HPGDS: variants seen among roughly 807,000 people sequenced by gnomAD.
HPGDS encodes the protein hematopoietic prostaglandin D synthase, also known as GST class-sigma.
HPGDS carries 26 observed loss-of-function variants against 23.1 expected under a neutral mutation model. The ratio of observed to expected loss-of-function variants is 1.13; its 90% CI spans 0.83 to 1.56. The LOEUF (loss-of-function observed/expected upper bound fraction) is 1.56. HPGDS is among the 40% of genes most tolerant of loss of function. HPGDS has a pLI of 0.00. For synonymous variants in HPGDS, 95 were observed against 77.9 expected (o/e 1.22, Z -1.16); for missense variants, 268 against 236.4 (o/e 1.13, Z -0.88).
intron 3 of HPGDS, among the ~76,000 whole-genome samples, chr4:94,314,552 C>A (rs139506906): frequency 1.3e-5 from 2 of 152,138 alleles, no homozygotes; most frequent in Admixed American, 1.3e-4. Context: ...TGCCCCTACT[C>A]GGGGGTGCCT....
chr4:94,323,243 A>T (rs1207314332), intron 2 of HPGDS, among the ~76,000 whole-genome samples: 1 of 152,148 alleles, frequency 6.6e-6, no homozygotes, highest in African/African-American at 2.4e-5. Context: ...TATTCTGTTG[A>T]TTTGGGGTGG....
In HPGDS at chr4:94,308,714, A is replaced by G; in HGVS notation, c.256T>C (p.Cys86Arg). Residue 86 changes from cysteine (C) to arginine (R), a missense_variant, in exon 4 of 6, where the codon TGT becomes CGT. Coordinates refer to ENST00000295256, the MANE Select transcript of HPGDS (RefSeq NM_014485.3). ...DLAGNTEMEQ[C>R]HVDAIVDTLD... Reference sequence around the variant, plus strand: ...GTGTCCACAATAGCATCAACATGACATTGTTCCATTTCTGTGTTTCCAGCC... The same window carrying G: ...GTGTCCACAATAGCATCAACATGACGTTGTTCCATTTCTGTGTTTCCAGCC... 6.2e-7 allele frequency: 1 copy of G among 1,606,104 alleles called. No homozygotes were observed. Among genetic ancestry groups the G allele is most frequent in the Non-Finnish European group, 8.5e-7 (1 of 1,174,096 alleles).
At chr4:94,326,215 G>C (rs1019084160) in intron 2 of HPGDS, among the ~76,000 whole-genome samples, 1 of 152,038 alleles carries the variant, frequency 6.6e-6, no homozygotes, top group African/African-American at 2.4e-5. Flanking sequence ...ATCTATACCT[G>C]AGCTTCATGT....
intron 3 of HPGDS, among the ~76,000 whole-genome samples, chr4:94,313,477 C>G (rs1190809577): frequency 1.3e-5 from 2 of 152,228 alleles, no homozygotes; most frequent in Admixed American, 6.5e-5. Context: ...CCACTCTCTT[C>G]TGGCTTGTAG....
Position 94,334,715 on chromosome 4 carries a change from GA to G in HPGDS, c.-9-78del, listed in dbSNP as rs1720953064. 5.7e-6 allele frequency: 8 copies of G among 1,396,348 alleles called. No individual in the cohort carries two copies. In the South Asian group the frequency reaches 1.2e-4, roughly 20 times the overall value. The allele number at this position is 1,396,348 out of a possible 1,614,324, so 86.5% of individuals were successfully genotyped here. The stretch of plus-strand genomic sequence containing the variant: ...CAATATTTTTCTTCAGAATTTTTTG[GA>G]AAACTTTATGGCATCTCTTGAGATT... On this transcript the variant is annotated intron_variant, in intron 1 of 5. Transcript: ENST00000295256.
intron 1 of HPGDS, among the ~76,000 whole-genome samples, chr4:94,340,936 C>A (rs1429690428): frequency 4.7e-5 from 7 of 150,124 alleles, no homozygotes; most frequent in African/African-American, 1.7e-4. Context: ...CATCCGCCTC[C>A]CGGGTTCAAG....
At chr4:94,312,094 T>C (rs1312918666) in intron 3 of HPGDS, among the ~76,000 whole-genome samples, 23 of 152,194 alleles carry the variant, frequency 1.5e-4, no homozygotes, top group Admixed American at 1.3e-3. Context: ...AATAAGCTCC[T>C]GGATTCATTG....
chr4:94,299,919 C>T (rs367787637), intron 5 of HPGDS, among the ~76,000 whole-genome samples: 8 of 152,178 alleles, frequency 5.3e-5, no homozygotes, highest in African/African-American at 1.2e-4. Context: ...ACTCTTGTAA[C>T]CTTGTCCAGT....
intron 1 of HPGDS, among the ~76,000 whole-genome samples, chr4:94,339,595 A>G (rs1721093863): frequency 1.3e-5 from 2 of 152,258 alleles, no homozygotes; most frequent in Admixed American, 1.3e-4. Context: ...TTAACTTTTA[A>G]TATTAATATA....
rs1560597992 is a variant in HPGDS at position 94,340,309 on chromosome 4, C to CTTTCTTTCTTTTTCTTT, written c.-10+2485_-10+2486insAAAGAAAAAGAAAGAAA. 2.1e-4 allele frequency among the ~76,000 whole-genome samples: 6 copies of CTTTCTTTCTTTTTCTTT among 28,760 alleles called. 1 individual carries two copies. The highest frequency in any genetic ancestry group is 6.7e-4 in the Admixed American group (1 of 1,502). The allele number at this position is 28,760 out of a possible 152,430, so 18.9% of individuals were successfully genotyped here. On this transcript the variant is annotated intron_variant, in intron 1 of 5. Transcript: ENST00000295256. Reference sequence around the variant, plus strand: ...TCTTTCTTTCTTTCTTTCTTTCTTTCTCTTTTTTTTTTTTTTTTTTTTTTT... The same window carrying CTTTCTTTCTTTTTCTTT: ...TCTTTCTTTCTTTCTTTCTTTCTTTCTTTCTTTCTTTTTCTTTTCTTTTTTTTTTTTTTTTTTTTTTT...
chr4:94,309,947 C>T (rs1484808625), intron 3 of HPGDS, among the ~76,000 whole-genome samples: 6 of 152,150 alleles, frequency 3.9e-5, no homozygotes, highest in Non-Finnish European at 7.3e-5. Context: ...AGTGTCTGTT[C>T]ATATCTTTCG....
At chr4:94,331,989 A>T (rs1162134292) in intron 2 of HPGDS, among the ~76,000 whole-genome samples, 1 of 152,004 alleles carries the variant, frequency 6.6e-6, no homozygotes, top group Non-Finnish European at 1.5e-5. Context: ...GTTCTTTCTG[A>T]ATAATGCTTT....
At chr4:94,340,260 CCTTTCTTTCTTTCTTTCTTTCTTT>C (rs201837103) in intron 1 of HPGDS, among the ~76,000 whole-genome samples, 5 of 81,524 alleles carry the variant, frequency 6.1e-5, no homozygotes, top group East Asian at 5.4e-4. Flanking sequence ...CTGGTCTAAA[CCTTTCTTTCTTTCTTTCTTTCTTT>C]CTTTCTTTCT....
intron 3 of HPGDS, among the ~76,000 whole-genome samples, chr4:94,314,725 C>G (rs1364194448): frequency 1.3e-5 from 2 of 152,180 alleles, no homozygotes; most frequent in African/African-American, 4.8e-5. Flanking sequence ...TGGCTATGCC[C>G]TGCCCCCAGA....
chr4:94,327,247 T>C (rs932187146), intron 2 of HPGDS, among the ~76,000 whole-genome samples: 1 of 152,152 alleles, frequency 6.6e-6, no homozygotes, highest in African/African-American at 2.4e-5. Flanking sequence ...CCCTGGATGA[T>C]GTGCACAAGC....
chr4:94,333,301 A>AT (rs1201760125), intron 2 of HPGDS, among the ~76,000 whole-genome samples: 1 of 152,194 alleles, frequency 6.6e-6, no homozygotes, highest in Non-Finnish European at 1.5e-5. Context: ...GCATCTCTCA[A>AT]TTTTCCTTGT....
At chr4:94,304,478 A>AT (rs1269106563) in intron 4 of HPGDS, among the ~76,000 whole-genome samples, 5 of 152,064 alleles carry the variant, frequency 3.3e-5, no homozygotes, top group Non-Finnish European at 7.4e-5. Flanking sequence ...TATTTGGTAG[A>AT]TTTTTAAGGT....
rs759784832 is a variant in HPGDS, at chr4:94,334,537, G to T, written c.93C>A (p.Asp31Glu). The T allele has an allele frequency of 1.2e-6, 2 of 1,612,480 alleles. No individual in the cohort carries two copies. Among genetic ancestry groups the T allele is most frequent in the Non-Finnish European group, 1.7e-6 (2 of 1,179,202 alleles). ...IFAYLDIQYE[D>E]HRIEQADWPE... is the part of the protein sequence containing the mutation. ...GCCAGTCAGCTTGTTCTATTCTGTG[G>T]TCTTCATACTGTATGTCCAAATAAG... The change falls in exon 2 of 6, where the codon GAC (aspartate) becomes GAA (glutamate). Residue 31 changes from aspartate (D) to glutamate (E), a missense_variant. By Grantham distance (45) the Asp-to-Glu change is conservative (BLOSUM62 2). Transcript: ENST00000295256.
At chr4:94,302,988 A>T (rs1411711347) in intron 4 of HPGDS, among the ~76,000 whole-genome samples, 2 of 152,248 alleles carry the variant, frequency 1.3e-5, no homozygotes, top group East Asian at 3.9e-4. Flanking sequence ...ATATATAAGA[A>T]TTCTGCCTGT....
Sources: allele counts gnomAD v4.1 joint callset (sites outside exome capture counted in the v4.1 genomes callset), GRCh38; gene constraint gnomAD v4.1.1; transcripts MANE v1.5; gene names NCBI Gene and HGNC (gene_info 2026-07-23, HGNC 2026-07-21).